CLNK: variants seen among roughly 807,000 people sequenced by gnomAD.
CLNK encodes cytokine-dependent hematopoietic cell linker.
A neutral mutation model predicts 68.6 loss-of-function variants in CLNK; 74 were observed. The observed-to-expected ratio is 1.08, with a 90% CI of 0.89 to 1.31. CLNK has a LOEUF of 1.31. Ranked by LOEUF, CLNK falls within the 50% of genes most tolerant of loss-of-function variation. The pLI is 0.00. For synonymous variants in CLNK, 198 were observed against 172.2 expected (o/e 1.15, Z -1.17); for missense variants, 553 against 515.3 (o/e 1.07, Z -0.71).
At chr4:10,551,171 C>G (rs1190471257) in intron 8 of CLNK, among the ~76,000 whole-genome samples, 2 of 152,146 alleles carry the variant, frequency 1.3e-5, no homozygotes, top group African/African-American at 2.4e-5. Flanking sequence ...GAAAGTGAAA[C>G]TGAGGATAAG....
the CLNK span, among the ~76,000 whole-genome samples, chr4:10,734,026 G>A: frequency 4.6e-5 from 7 of 152,252 alleles, no homozygotes; most frequent in South Asian, 8.3e-4. Flanking sequence ...TTCCTTTGGA[G>A]TGGAATAGGA....
chr4:10,623,416 G>A lies in CLNK; in HGVS notation c.12-25367C>T, dbSNP rs149320103. Among the ~76,000 whole-genome samples the A allele has an allele frequency of 1.7e-3, 260 of 152,234 alleles. 1 individual carries two copies. The highest frequency in any genetic ancestry group is 3.4e-3 in the Middle Eastern group (1 of 294). ...TCACTGCCTCTGGGTAATACAATAC[G>A]GTGGCCAGAGTAAGAGCTCTGGAAT... On this transcript the variant is annotated intron_variant, in intron 2 of 18. Coordinates refer to ENST00000226951, the MANE Select transcript of CLNK (RefSeq NM_052964.4).
intron 2 of CLNK, among the ~76,000 whole-genome samples, chr4:10,640,227 C>G (rs531307354): frequency 3.4e-4 from 52 of 151,894 alleles, no homozygotes; most frequent in Non-Finnish European, 6.5e-4. Flanking sequence ...TGCAGTGGCA[C>G]GATCTCAGCT....
At chr4:10,708,457 C>T in the CLNK span, among the ~76,000 whole-genome samples, 1 of 152,096 alleles carries the variant, frequency 6.6e-6, no homozygotes, top group Non-Finnish European at 1.5e-5. Context: ...GTGACATGCC[C>T]ATCAGTGGCA....
At chr4:10,546,283 T>C (rs1388508913) in intron 8 of CLNK, among the ~76,000 whole-genome samples, 1 of 152,240 alleles carries the variant, frequency 6.6e-6, no homozygotes, top group Non-Finnish European at 1.5e-5. Flanking sequence ...CTCTGAAATA[T>C]CAATGTAAGT....
intron 2 of CLNK, among the ~76,000 whole-genome samples, chr4:10,652,686 T>C (rs530853062): frequency 6.6e-6 from 1 of 152,316 alleles, no homozygotes; most frequent in Non-Finnish European, 1.5e-5. Context: ...ATACATGTAT[T>C]TGCAAATAAC....
intron 3 of CLNK, among the ~76,000 whole-genome samples, chr4:10,594,866 G>A (rs981983833): frequency 3.3e-5 from 5 of 152,146 alleles, no homozygotes; most frequent in Non-Finnish European, 4.4e-5. Context: ...AGGCCAAGGC[G>A]GGCAGATCAC....
At chr4:10,688,445 C>A (rs1309332550), upstream of CLNK, among the ~76,000 whole-genome samples, 1 of 152,068 alleles carries the variant, frequency 6.6e-6, no homozygotes, top group African/African-American at 2.4e-5. Context: ...TCAAGGAGGA[C>A]CATGGTGCCT....
chr4:10,630,001 G>A (rs1357701419), intron 2 of CLNK, among the ~76,000 whole-genome samples: 2 of 152,192 alleles, frequency 1.3e-5, no homozygotes, highest in East Asian at 1.9e-4. Flanking sequence ...CATGCTTGGT[G>A]TTTGGGGACC....
chr4:10,652,667 G>A (rs1446767231), intron 2 of CLNK, among the ~76,000 whole-genome samples: 2 of 152,122 alleles, frequency 1.3e-5, no homozygotes, highest in African/African-American at 4.8e-5. Context: ...TGAAAATCCT[G>A]TTTCAATCAT....
chr4:10,687,546 G>A (rs1229071642), upstream of CLNK, among the ~76,000 whole-genome samples: 66 of 152,140 alleles, frequency 4.3e-4, 1 homozygote, highest in Non-Finnish European at 1.5e-5. Context: ...GAGGGGAGAA[G>A]GGAAGGAGTA....
At chr4:10,710,221 C>T in the CLNK span, among the ~76,000 whole-genome samples, 3 of 152,096 alleles carry the variant, frequency 2.0e-5, no homozygotes, top group African/African-American at 4.8e-5. Flanking sequence ...GGGCTCTGGT[C>T]AGAAACACAG....
chr4:10,558,488 T>C lies in CLNK; in HGVS notation c.400-36A>G, dbSNP rs375013901. On this transcript the variant is annotated intron_variant, in intron 7 of 18. Transcript: ENST00000226951. ...CAATGAGGCACCATTATCTCTTCAG[T>C]TGTGACTATGACACTATCTGATGTC... is the stretch of plus-strand genomic sequence containing the variant. 2.7e-4 allele frequency: 430 copies of C among 1,594,922 alleles called. 8 individuals carry two copies. In the South Asian group the frequency reaches 4.0e-3, roughly 15 times the overall value.
At chr4:10,540,768 T>C (rs944867655) in intron 10 of CLNK, among the ~76,000 whole-genome samples, 164 bp from the exon 11 acceptor site, 1 of 152,158 alleles carries the variant, frequency 6.6e-6, no homozygotes, top group African/African-American at 2.4e-5. Context: ...TGGCACTGTT[T>C]TCTAAAGGGC....
upstream of CLNK, among the ~76,000 whole-genome samples, chr4:10,689,745 A>ATTT (rs71651341): frequency 3.5e-3 from 346 of 100,082 alleles, 18 homozygotes; most frequent in African/African-American, 4.1e-3. Context: ...AAACCCATGC[A>ATTT]TTTTTTTTTT....
intron 2 of CLNK, among the ~76,000 whole-genome samples, chr4:10,636,407 G>A (rs1365503317): frequency 6.6e-6 from 1 of 152,192 alleles, no homozygotes; most frequent in Non-Finnish European, 1.5e-5. Context: ...GGAATGCCAA[G>A]GACAGCCAGC....
intron 2 of CLNK, among the ~76,000 whole-genome samples, chr4:10,647,104 G>A (rs939049611): frequency 3.3e-5 from 5 of 152,128 alleles, no homozygotes; most frequent in Non-Finnish European, 1.5e-5. Context: ...GATAGGGGCT[G>A]AGTCTTACTT....
intron 3 of CLNK, 104 bp from the exon 4 acceptor site, chr4:10,585,059 C>G: frequency 8.6e-7 from 1 of 1,160,410 alleles, no homozygotes. Flanking sequence ...TACAAGTCAG[C>G]CTCTGAAGCT....
Position 10,541,796 on chromosome 4 carries a change from T to C in CLNK, c.491+226A>G, listed in dbSNP as rs1719041936. On this transcript the variant is annotated intron_variant, in intron 10 of 18. Coordinates refer to ENST00000226951, the MANE Select transcript of CLNK (RefSeq NM_052964.4). ...GAGAAATGAGTGAAGGTATATTGAA[T>C]AGATAACTGTGAATGAATGAATAAA... is the stretch of plus-strand genomic sequence containing the variant. 1.3e-5 allele frequency among the ~76,000 whole-genome samples: 2 copies of C among 151,696 alleles called. 1 individual carries two copies. The highest frequency in any genetic ancestry group is 4.1e-4 in the South Asian group (2 of 4,822).
Sources: allele counts gnomAD v4.1 joint callset (sites outside exome capture counted in the v4.1 genomes callset), GRCh38; gene constraint gnomAD v4.1.1; transcripts MANE v1.5; gene names NCBI Gene and HGNC (gene_info 2026-07-23, HGNC 2026-07-21).